The following PLEKHG4B variants were observed in gnomAD, a reference collection of about 807,000 sequenced individuals.
PLEKHG4B encodes pleckstrin homology domain-containing family G member 4B.
PLEKHG4B carries 111 observed loss-of-function variants against 121.3 expected under a neutral mutation model. The observed-to-expected ratio is 0.92, with a 90% CI of 0.78 to 1.07. PLEKHG4B has a LOEUF of 1.07. Among genes scored for constraint, PLEKHG4B ranks in the 50% least tolerant of loss-of-function variants. The probability of loss-of-function intolerance (pLI) is 0.00; values close to 1 mark genes in which losing one functional copy is unlikely to be tolerated. For synonymous variants in PLEKHG4B, 738 were observed against 725.0 expected (o/e 1.02, Z -0.29); for missense variants, 1,831 against 1,757.8 (o/e 1.04, Z -0.74).
chr5:147,307 G>T (rs997210628), intron 6 of PLEKHG4B, among the ~76,000 whole-genome samples: 2 of 152,242 alleles, frequency 1.3e-5, no homozygotes, highest in Non-Finnish European at 2.9e-5. Context: ...GATTCTCAAG[G>T]CCTCCAAGAA....
At chr5:116,805 G>T (rs905566862) in intron 2 of PLEKHG4B, among the ~76,000 whole-genome samples, 1 of 152,202 alleles carries the variant, frequency 6.6e-6, no homozygotes, top group Non-Finnish European at 1.5e-5. Context: ...AGAATGACAG[G>T]GCTAGGGGAG....
chr5:143,195 G>T lies in PLEKHG4B; in HGVS notation c.1626G>T (p.Val542=). The change falls in exon 4 of 20, where the codon GTG becomes GTT. Residue 542 remains valine, a synonymous_variant. Transcript: ENST00000637938. ...PPGTGDFPSQ[V]PKQVLDVSQE... ...GCACAGGAGACTTCCCCAGCCAGGT[G>T]CCCAAGCAGGTGCTGGACGTCAGTC... The T allele has an allele frequency of 1.2e-6, 2 of 1,611,568 alleles. No homozygotes were observed. The highest frequency in any genetic ancestry group is 1.7e-6 in the Non-Finnish European group (2 of 1,180,008).
Position 161,856 on chromosome 5 carries a change from G to A in PLEKHG4B, c.2561G>A (p.Arg854Lys). 2 of 1,613,888 alleles carry A rather than the reference G, an allele frequency of 1.2e-6. No homozygotes were observed. The highest frequency in any genetic ancestry group is 1.7e-6 in the Non-Finnish European group (2 of 1,180,020). The change falls in exon 12 of 20, where the codon AGA (arginine) becomes AAA (lysine). Residue 854 changes from arginine (R) to lysine (K), a missense_variant. By Grantham distance (26) the Arg-to-Lys change is conservative. Transcript: ENST00000637938. ...QRTEEMVQDF[R>K]RGLSAVVSQA... ...ACAGAGGAAATGGTCCAGGATTTCAGAAGGGGCCTGAGCGCCGTGGTCAGC... is the reference window on the plus strand; with the variant it reads ...ACAGAGGAAATGGTCCAGGATTTCAAAAGGGGCCTGAGCGCCGTGGTCAGC...
At chr5:174,324 G>A (rs1419466641) in intron 18 of PLEKHG4B, among the ~76,000 whole-genome samples, 4 of 133,534 alleles carry the variant, frequency 3.0e-5, no homozygotes, top group African/African-American at 1.2e-4. Flanking sequence ...GGGGCCAGGG[G>A]GCCAGCAGGG....
intron 1 of PLEKHG4B, among the ~76,000 whole-genome samples, chr5:104,201 C>G (rs1173487913): frequency 6.8e-6 from 1 of 147,730 alleles, no homozygotes; most frequent in Non-Finnish European, 1.5e-5. Flanking sequence ...ACAACCTCAG[C>G]CAGTCCCAGC....
rs1735719409 is a variant in PLEKHG4B, at chr5:154,874, G to A, written c.1993-1G>A. 6.2e-7 allele frequency: 1 copy of A among 1,612,912 alleles called. No homozygotes were observed. The highest frequency in any genetic ancestry group is 8.5e-7 in the Non-Finnish European group (1 of 1,179,322). On this transcript the variant is annotated splice_acceptor_variant, in intron 7 of 19. Transcript: ENST00000637938. LOFTEE classifies it high-confidence loss of function. ...GACCAACGAGTGCCTCTTCTTGGCA[G>A]TGTGAGGTCGTGAGCTCCCTGAAGG...
intron 2 of PLEKHG4B, among the ~76,000 whole-genome samples, chr5:131,085 G>A (rs542429362): frequency 3.0e-4 from 46 of 151,226 alleles, no homozygotes; most frequent in African/African-American, 1.0e-3. Flanking sequence ...GATGCCCCAC[G>A]CCTCTGCAAG....
At chr5:98,527 C>T (rs1733694727) in intron 1 of PLEKHG4B, among the ~76,000 whole-genome samples, 1 of 147,628 alleles carries the variant, frequency 6.8e-6, no homozygotes, top group Non-Finnish European at 1.5e-5. Context: ...TTCTGCCTCC[C>T]AGGTTCAAGC....
At chr5:144,795 G>A (rs1320627065) in intron 5 of PLEKHG4B, 32 bp from the exon 6 acceptor site, 3 of 1,566,338 alleles carry the variant, frequency 1.9e-6, no homozygotes, top group East Asian at 2.2e-5. Context: ...TTAACCTTCA[G>A]TGGTTAAGAT....
chr5:178,873 C>A (rs887000916), intron 18 of PLEKHG4B, among the ~76,000 whole-genome samples: 1 of 152,258 alleles, frequency 6.6e-6, no homozygotes, highest in East Asian at 1.9e-4. Flanking sequence ...AACCTACACA[C>A]ATGCTCCTAT....
rs1005058812 is a variant in PLEKHG4B, at chr5:173,946, T to C, written c.4250T>C (p.Val1417Ala). The C allele has an allele frequency of 1.2e-6, 2 of 1,612,730 alleles. No homozygotes were observed. The highest frequency in any genetic ancestry group is 2.7e-5 in the African/African-American group (2 of 74,546). The change falls in exon 18 of 20, where the codon GTC becomes GCC. Residue 1417 changes from valine (V) to alanine (A), a missense_variant. Physicochemically the swap from Val to Ala is moderately conservative, Grantham distance 64 (BLOSUM62 0). Coordinates refer to ENST00000637938, the MANE Select transcript of PLEKHG4B (RefSeq NM_052909.5). ...GCCGAGATCGGGATGACAGAGAACG[T>C]CGGGGACAGTGGCTTGAGGTTTGAG... is the stretch of plus-strand genomic sequence containing the variant. ...KTAEIGMTEN[V>A]GDSGLRFEIW...
intron 18 of PLEKHG4B, among the ~76,000 whole-genome samples, chr5:177,722 C>G (rs58563514): frequency 6.6e-6 from 1 of 152,094 alleles, no homozygotes; most frequent in Non-Finnish European, 1.5e-5. Context: ...GATCGAGTGC[C>G]CCATTTATCC....
chr5:104,558 C>T (rs1733919165), intron 1 of PLEKHG4B, among the ~76,000 whole-genome samples: 1 of 152,172 alleles, frequency 6.6e-6, no homozygotes, highest in African/African-American at 2.4e-5. Flanking sequence ...TAATTTTCTT[C>T]ATCGCAATAG....
In PLEKHG4B at chr5:174,106, G is replaced by C; in HGVS notation, c.4402+8G>C. On this transcript the variant is annotated splice_region_variant and intron_variant, in intron 18 of 19. Coordinates refer to ENST00000637938, the MANE Select transcript of PLEKHG4B (RefSeq NM_052909.5). ...AGGCACTAAAGAGCAGAGGTGGGAA[G>C]ATGGGGGCCGCAGGGCCTGCCAGGC... 1 of 1,492,104 alleles carries C rather than the reference G, an allele frequency of 6.7e-7. No individual in the cohort carries two copies. 92.4% of individuals were successfully genotyped at this position (1,492,104 alleles called of 1,614,324 possible).
chr5:141,359 G>C (rs958941169), intron 3 of PLEKHG4B, among the ~76,000 whole-genome samples: 1 of 147,052 alleles, frequency 6.8e-6, no homozygotes, highest in African/African-American at 2.5e-5. Flanking sequence ...TCAAGCTGTG[G>C]GCAGAGTGTG....
Position 121,794 on chromosome 5 carries a change from A to G in PLEKHG4B, c.243+8346A>G, listed in dbSNP as rs2126369352. Among the ~76,000 whole-genome samples the G allele has an allele frequency of 1.3e-5, 2 of 152,224 alleles. 1 individual carries two copies. The highest frequency in any genetic ancestry group is 4.2e-4 in the South Asian group (2 of 4,810). On this transcript the variant is annotated intron_variant, in intron 2 of 19. Transcript: ENST00000637938. ...ATCTTTCAAACATGAAGGCAAAATA[A>G]TGACACTTTTAGGTTAATAAAAGAG...
In PLEKHG4B at chr5:185,345, C is replaced by T. The variant is rs1349672841; in HGVS notation, c.*3022C>T. Reference sequence around the variant, plus strand: ...ATGTCCAGAGTTGTCAAACTGCATGCTTTAAAGATGTGCAGTGGATCGTAT... The same window carrying T: ...ATGTCCAGAGTTGTCAAACTGCATGTTTTAAAGATGTGCAGTGGATCGTAT... On this transcript the variant is annotated 3_prime_UTR_variant, in exon 20 of 20. Coordinates refer to ENST00000637938, the MANE Select transcript of PLEKHG4B (RefSeq NM_052909.5). The T allele has an allele frequency of 6.6e-6, 1 of 152,242 alleles. No individual in the cohort carries two copies. The highest frequency in any genetic ancestry group is 6.5e-5 in the Admixed American group (1 of 15,286). The allele number at this position is 152,242 out of a possible 1,614,324, so 9.4% of individuals were successfully genotyped here. A position where few individuals can be genotyped will look rare whatever the true frequency, so the allele number is the denominator to read the frequency against.
At chr5:97,789 T>C (rs1427046603) in intron 1 of PLEKHG4B, among the ~76,000 whole-genome samples, 1 of 152,166 alleles carries the variant, frequency 6.6e-6, no homozygotes, top group Non-Finnish European at 1.5e-5. Flanking sequence ...TTTGCATTTC[T>C]CTTGCAGATA....
chr5:161,177 C>T (rs11749678), intron 11 of PLEKHG4B, among the ~76,000 whole-genome samples: 9,772 of 152,308 alleles, frequency 0.064, 438 homozygotes, highest in Non-Finnish European at 0.089. Context: ...TTGGTCTTGT[C>T]ACCAGGGCGC....
Sources: gnomAD v4.1 joint callset for allele counts (sites outside exome capture counted in the v4.1 genomes callset) on GRCh38, gnomAD v4.1.1 for gene constraint, MANE v1.5 for transcripts, NCBI Gene and HGNC (gene_info 2026-07-23, HGNC 2026-07-21) for gene names.